USP49: variants seen among roughly 807,000 people sequenced by gnomAD.
USP49 encodes ubiquitin carboxyl-terminal hydrolase 49.
USP49 carries 24 observed loss-of-function variants against 58.6 expected under a neutral mutation model. The observed-to-expected ratio is 0.41, with a 90% confidence interval of 0.30 to 0.58. USP49 has a LOEUF of 0.58. USP49 is among the 20% of genes least tolerant of loss of function. The probability of loss-of-function intolerance (pLI) is 0.30; values close to 1 mark genes in which losing one functional copy is unlikely to be tolerated. For missense variants in USP49, 703 were observed against 866.1 expected, an observed-to-expected ratio of 0.81 and a Z score of 2.36; for synonymous variants, 408 against 365.1, an observed-to-expected ratio of 1.12 and a Z score of -1.34.
chr6:41,855,010 G>T (rs531024391), intron 3 of USP49, among the ~76,000 whole-genome samples: 4 of 152,064 alleles, frequency 2.6e-5, no homozygotes, highest in Non-Finnish European at 5.9e-5. Flanking sequence ...CTGACCTCAA[G>T]TGATCCGCCC....
chr6:41,817,150 C>CTTTTTTT lies in USP49; in HGVS notation c.-28-10146_-28-10140dup, dbSNP rs34281670. Among the ~76,000 whole-genome samples, 8 of 104,336 alleles carry CTTTTTTT rather than the reference C, an allele frequency of 7.7e-5. 1 individual carries two copies. The highest frequency in any genetic ancestry group is 2.2e-4 in the African/African-American group (5 of 22,552). The allele number at this position is 104,336 out of a possible 152,430, so 68.4% of individuals were successfully genotyped here. A position where few individuals can be genotyped will look rare whatever the true frequency, so the allele number is the denominator to read the frequency against. Reference sequence around the variant, plus strand: ...CCACCACGCCTGGCTCCCACGCATGCTTTTTTTTTTTTTTTTTGAGACAGA... The same window carrying CTTTTTTT: ...CCACCACGCCTGGCTCCCACGCATGCTTTTTTTTTTTTTTTTTTTTTTTTGAGACAGA... On this transcript the variant is annotated intron_variant, in intron 3 of 7. Coordinates refer to ENST00000682992, the MANE Select transcript of USP49 (RefSeq NM_001286554.2).
rs1456633749 is a variant in USP49, at chr6:41,840,775, T to C, written c.-29+30789A>G. ...CCTATTTTTCTTCAGTTAATTGAAA[T>C]AGTGGGTTCTGAATTTGTAATGTCT... On this transcript the variant is annotated intron_variant, in intron 3 of 7. Transcript: ENST00000682992. 2.6e-5 allele frequency among the ~76,000 whole-genome samples: 4 copies of C among 152,144 alleles called. No homozygotes were observed. In the East Asian group the frequency reaches 5.8e-4, roughly 22 times the overall value.
intron 3 of USP49, among the ~76,000 whole-genome samples, chr6:41,841,887 T>G (rs1294280123): frequency 6.6e-6 from 1 of 152,106 alleles, no homozygotes; most frequent in African/African-American, 2.4e-5. Flanking sequence ...CAAAACCCTG[T>G]CTCTACCACA....
In USP49 at chr6:41,796,239, AC is replaced by A. The variant is rs202121717; in HGVS notation, c.*293del. 57 of 278,226 alleles carry A rather than the reference AC, an allele frequency of 2.0e-4. No homozygotes were observed. Among genetic ancestry groups the A allele is most frequent in the Middle Eastern group, 1.2e-3 (1 of 812 alleles). 17.2% of individuals were successfully genotyped at this position (278,226 alleles called of 1,614,324 possible). ...TCTCCTGTGTGGATATGATTGATTTACCCCCCCGCCCCGCTTTCCTCCACCC... is the reference window on the plus strand; with the variant it reads ...TCTCCTGTGTGGATATGATTGATTTACCCCCCGCCCCGCTTTCCTCCACCC... On this transcript the variant is annotated 3_prime_UTR_variant, in exon 8 of 8. Coordinates refer to ENST00000682992, the MANE Select transcript of USP49 (RefSeq NM_001286554.2).
At chr6:41,863,415 T>C (rs1451837847) in intron 3 of USP49, among the ~76,000 whole-genome samples, 3 of 152,216 alleles carry the variant, frequency 2.0e-5, no homozygotes, top group African/African-American at 7.2e-5. Context: ...GCTGCATGCC[T>C]GCATTATTAC....
In USP49 at chr6:41,806,510, C is replaced by T. The variant is rs1310798758; in HGVS notation, c.474G>A (p.Trp158Ter). Reference sequence around the variant, plus strand: ...CCTGGCCCCGGGAGCTCTTCTCGAACCACAGCCGCAGCGTCCTGGCCAGCA... The same window carrying T: ...CCTGGCCCCGGGAGCTCTTCTCGAATCACAGCCGCAGCGTCCTGGCCAGCA... ...QRLLARTLRL[W>*]FEKSSRGQAK... Residue 158 changes from tryptophan to a stop codon, truncating the protein, a stop_gained, in exon 4 of 8, where the codon TGG becomes TGA. Coordinates refer to ENST00000682992, the MANE Select transcript of USP49 (RefSeq NM_001286554.2). LOFTEE classifies it high-confidence loss of function. The surrounding 1 kb of genome is among the most constrained non-coding windows in gnomAD (Gnocchi z 5.9). The T allele has an allele frequency of 6.3e-7, 1 of 1,598,954 alleles. No individual in the cohort carries two copies. Among genetic ancestry groups the T allele is most frequent in the Non-Finnish European group, 8.5e-7 (1 of 1,179,406 alleles).
intron 7 of USP49, chr6:41,798,193 A>C: frequency 6.2e-6 from 1 of 161,604 alleles, no homozygotes; most frequent in Non-Finnish European, 1.4e-5. Context: ...GCACTTTTAC[A>C]TGTCAGTTCC....
At chr6:41,876,991 CCACT>C (rs1287468575) in intron 2 of USP49, among the ~76,000 whole-genome samples, 1 of 152,052 alleles carries the variant, frequency 6.6e-6, no homozygotes, top group Middle Eastern at 3.2e-3. Flanking sequence ...ATCTCCAGTC[CCACT>C]CAAATTTAAA....
At chr6:41,883,224 C>A (rs941554660) in intron 2 of USP49, among the ~76,000 whole-genome samples, 3 of 151,754 alleles carry the variant, frequency 2.0e-5, no homozygotes, top group African/African-American at 7.3e-5. Flanking sequence ...TGTGGTGGCA[C>A]ACACCTGTAA....
At chr6:41,885,191 C>T (rs139683439) in intron 2 of USP49, among the ~76,000 whole-genome samples, 94 of 152,314 alleles carry the variant, frequency 6.2e-4, no homozygotes, top group African/African-American at 1.9e-3. Flanking sequence ...CTGCTGGCTG[C>T]CAACGTAGGT....
chr6:41,881,831 A>G (rs1774614137), intron 2 of USP49, among the ~76,000 whole-genome samples: 1 of 152,152 alleles, frequency 6.6e-6, no homozygotes, highest in African/African-American at 2.4e-5. Context: ...TACATACCCA[A>G]TAGTTCCTCC....
intron 2 of USP49, among the ~76,000 whole-genome samples, chr6:41,875,476 T>A (rs552189938): frequency 6.6e-6 from 1 of 152,304 alleles, no homozygotes; most frequent in African/African-American, 2.4e-5. Context: ...TAATATCTTT[T>A]ATGTCTGAAA....
At chr6:41,812,674 G>T (rs1240172569) in intron 3 of USP49, among the ~76,000 whole-genome samples, 1 of 151,970 alleles carries the variant, frequency 6.6e-6, no homozygotes, top group Non-Finnish European at 1.5e-5. Context: ...GTCTCTGGGC[G>T]ACAGAGCGAG....
At chr6:41,811,488 C>T (rs991254394) in intron 3 of USP49, among the ~76,000 whole-genome samples, 1 of 152,012 alleles carries the variant, frequency 6.6e-6, no homozygotes, top group East Asian at 1.9e-4. Flanking sequence ...ATATAGGGTT[C>T]GATACTATCT....
rs1772852108 is a variant in USP49, at chr6:41,794,424, G to T, written c.*2109C>A. 6.6e-6 allele frequency: 1 copy of T among 152,338 alleles called. No individual in the cohort carries two copies. Among genetic ancestry groups the T allele is most frequent in the Non-Finnish European group, 1.5e-5 (1 of 68,038 alleles). 9.4% of individuals were successfully genotyped at this position (152,338 alleles called of 1,614,324 possible). On this transcript the variant is annotated 3_prime_UTR_variant, in exon 8 of 8. Transcript: ENST00000682992. ...CCCACTGGACAGCCTGAGGGGTAAA[G>T]TAGATGCTCTATTAGTTCTTCTCTA...
intron 3 of USP49, among the ~76,000 whole-genome samples, chr6:41,842,283 GA>G (rs1773840845): frequency 6.7e-6 from 1 of 149,846 alleles, no homozygotes; most frequent in African/African-American, 2.5e-5. Context: ...TGAGGCAGGA[GA>G]ATCACTTGAA....
chr6:41,804,447 T>C (rs1773073782), intron 4 of USP49, among the ~76,000 whole-genome samples: 1 of 152,152 alleles, frequency 6.6e-6, no homozygotes, highest in African/African-American at 2.4e-5. Context: ...TTGCCTTTGT[T>C]ACTTGCAGAA....
At chr6:41,825,157 AG>A (rs1163965212) in intron 3 of USP49, among the ~76,000 whole-genome samples, 2 of 152,234 alleles carry the variant, frequency 1.3e-5, no homozygotes, top group African/African-American at 4.8e-5. Flanking sequence ...CTGGTGTGCC[AG>A]TAAGTCTCAC....
intron 1 of USP49, among the ~76,000 whole-genome samples, chr6:41,895,008 T>TC (rs1454404238): frequency 6.8e-6 from 1 of 146,330 alleles, no homozygotes; most frequent in African/African-American, 2.5e-5. Flanking sequence ...GCGCCCCGAC[T>TC]CCCGGCTCTC....
Sources: gnomAD v4.1 joint callset for allele counts (sites outside exome capture counted in the v4.1 genomes callset) on GRCh38, gnomAD v4.1.1 for gene constraint, Gnocchi (gnomAD v3.1) non-coding constraint, MANE v1.5 for transcripts, NCBI Gene and HGNC (gene_info 2026-07-23, HGNC 2026-07-21) for gene names.